Variants in TEX51 observed in about 807,000 individuals in gnomAD.
The protein encoded by TEX51 is testis-expressed protein 51.
In TEX51, 14 loss-of-function variants were observed where a neutral mutation model predicts 8.0. The observed-to-expected ratio is 1.76, with a 90% confidence interval of 1.16 to 2.75. The LOEUF is 2.75. TEX51 is among the 30% of genes most tolerant of loss of function. The pLI, the probability that TEX51 is intolerant of heterozygous loss-of-function variation, is 0.00. For missense variants in TEX51, 142 were observed against 77.4 expected (o/e 1.83, Z -3.13); for synonymous variants, 58 against 28.6 (o/e 2.03, Z -3.29).
chr2:126,901,040 A>G (rs1408303908), intron 4 of TEX51, among the ~76,000 whole-genome samples, 170 bp from the exon 5 acceptor site: 2 of 152,144 alleles, frequency 1.3e-5, no homozygotes, highest in Non-Finnish European at 2.9e-5. Context: ...ACCCCACACC[A>G]TGATTGTTTG....
rs1236157750 is a variant in TEX51 at position 126,902,000 on chromosome 2, C to G, written c.*131C>G. 1 of 576,740 alleles carries G rather than the reference C, an allele frequency of 1.7e-6. No homozygotes were observed. Among genetic ancestry groups the G allele is most frequent in the Non-Finnish European group, 3.1e-6 (1 of 323,660 alleles). The allele number at this position is 576,740 out of a possible 1,614,324, so 35.7% of individuals were successfully genotyped here. A position where few individuals can be genotyped will look rare whatever the true frequency, so the allele number is the denominator to read the frequency against. The stretch of plus-strand genomic sequence containing the variant: ...CCCTCCATCCTGGGTCCTGGGGCCC[C>G]AAAGCTCTGAGGCCTAGGAGACTGC... On this transcript the variant is annotated 3_prime_UTR_variant, in exon 7 of 7. Transcript: ENST00000568484.
At chr2:126,901,462 G>A (rs1224904985) in intron 6 of TEX51, 58 bp downstream of exon 6, 8 of 700,350 alleles carry the variant, frequency 1.1e-5, no homozygotes, top group Non-Finnish European at 2.1e-5. Context: ...AAAGCTGGGT[G>A]TGCCCTGGGA....
Position 126,899,234 on chromosome 2 carries a change from G to A in TEX51, c.163G>A (p.Glu55Lys), listed in dbSNP as rs938017. ...ELSQNRDHLE[E>K]ETAKFFTQVH... ...ATCCTCAGATCGTGACCATTTGGAA[G>A]AAGAAACAGCCAAATTCTTCACTCA... The change falls in exon 2 of 7, where the codon GAA becomes AAA. Residue 55 changes from glutamate to lysine, a missense_variant. Physicochemically the swap from Glu to Lys is moderately conservative, Grantham distance 56. Coordinates refer to ENST00000568484, the MANE Select transcript of TEX51 (RefSeq NM_001322244.2). The A allele has an allele frequency of 0.039, 27,189 of 702,188 alleles. 680 individuals carry two copies. Among genetic ancestry groups the A allele is most frequent in the South Asian group, 0.056 (3,810 of 67,572 alleles). The allele number at this position is 702,188 out of a possible 1,614,324, so 43.5% of individuals were successfully genotyped here.
intron 4 of TEX51, 76 bp downstream of exon 4, chr2:126,900,095 C>G: frequency 1.4e-6 from 1 of 693,674 alleles, no homozygotes; most frequent in Non-Finnish European, 2.6e-6. Flanking sequence ...CTCTGTCATT[C>G]TCTTTTGCCC....
chr2:126,899,226 A>C lies in TEX51; in HGVS notation c.155A>C (p.His52Pro), dbSNP rs1336566162. 2.8e-6 allele frequency: 2 copies of C among 702,206 alleles called. No homozygotes were observed. Among genetic ancestry groups the C allele is most frequent in the Non-Finnish European group, 2.6e-6 (1 of 384,814 alleles). 43.5% of individuals were successfully genotyped at this position (702,206 alleles called of 1,614,324 possible). The change falls in exon 2 of 7, where the codon CAT (histidine) becomes CCT (proline). Residue 52 changes from histidine (H) to proline (P), a missense_variant. Physicochemically the swap from His to Pro is moderately conservative, Grantham distance 77. Transcript: ENST00000568484. ...PPTELSQNRD[H>P]LEEETAKFFT... is the part of the protein sequence containing the mutation. ...TGTATCTCATCCTCAGATCGTGACCATTTGGAAGAAGAAACAGCCAAATTC... is the reference window on the plus strand; with the variant it reads ...TGTATCTCATCCTCAGATCGTGACCCTTTGGAAGAAGAAACAGCCAAATTC...
At chr2:126,900,806 C>T (rs1442047748) in intron 4 of TEX51, among the ~76,000 whole-genome samples, 1 of 152,196 alleles carries the variant, frequency 6.6e-6, no homozygotes, top group Non-Finnish European at 1.5e-5. Context: ...CCCCTACTCC[C>T]CAGGCACACT....
intron 3 of TEX51, 124 bp downstream of exon 3, chr2:126,899,736 T>G: frequency 1.4e-6 from 1 of 700,070 alleles, no homozygotes; most frequent in South Asian, 1.5e-5. Context: ...TCTCCATGAA[T>G]GCCTTCCCGG....
At position 126,902,074 on chromosome 2, in the gene TEX51, A is replaced by C. The variant is rs1680362230; in HGVS notation, c.*205A>C. On this transcript the variant is annotated 3_prime_UTR_variant, in exon 7 of 7. Coordinates refer to ENST00000568484, the MANE Select transcript of TEX51 (RefSeq NM_001322244.2). Reference sequence around the variant, plus strand: ...CTACACCTTTGTAAAGAGTCTCTTCATTAAAACCCCTCTTCATAGCCTAGT... The same window carrying C: ...CTACACCTTTGTAAAGAGTCTCTTCCTTAAAACCCCTCTTCATAGCCTAGT... The C allele has an allele frequency of 2.2e-6, 1 of 457,856 alleles. No individual in the cohort carries two copies. Among genetic ancestry groups the C allele is most frequent in the East Asian group, 3.5e-5 (1 of 28,192 alleles). 28.4% of individuals were successfully genotyped at this position (457,856 alleles called of 1,614,324 possible).
chr2:126,901,886 G>C lies in TEX51; in HGVS notation c.*17G>C. 1.6e-6 allele frequency: 1 copy of C among 644,138 alleles called. No homozygotes were observed. The highest frequency in any genetic ancestry group is 1.7e-5 in the South Asian group (1 of 58,080). The allele number at this position is 644,138 out of a possible 1,614,324, so 39.9% of individuals were successfully genotyped here. A position where few individuals can be genotyped will look rare whatever the true frequency, so the allele number is the denominator to read the frequency against. The stretch of plus-strand genomic sequence containing the variant: ...TCCCTCAGCAGGAACAGGGCAGCCC[G>C]CATGTCTTCCAGAAGTGAACAGAGG... On this transcript the variant is annotated 3_prime_UTR_variant, in exon 7 of 7. Coordinates refer to ENST00000568484, the MANE Select transcript of TEX51 (RefSeq NM_001322244.2).
chr2:126,900,449 C>T (rs1430616870), intron 4 of TEX51, among the ~76,000 whole-genome samples: 3 of 151,782 alleles, frequency 2.0e-5, no homozygotes, highest in Admixed American at 6.6e-5. Context: ...CCAATCCCAT[C>T]AAACCCCCAA....
intron 6 of TEX51, chr2:126,901,622 C>T (rs960376393): frequency 1.7e-6 from 1 of 599,552 alleles, no homozygotes; most frequent in Admixed American, 3.0e-5. Context: ...ACAGAAATGG[C>T]AAAGCTCCAG....
In TEX51 at chr2:126,901,421, C is replaced by A. The variant is rs1225159572; in HGVS notation, c.*2+17C>A. ...GCAGTAAAGGTACTGGGAAAGGAGA[C>A]CCCGACCCAATTCTAGGGCTCCCAG... On this transcript the variant is annotated intron_variant, in intron 6 of 6. Coordinates refer to ENST00000568484, the MANE Select transcript of TEX51 (RefSeq NM_001322244.2). 1.3e-5 allele frequency: 9 copies of A among 702,172 alleles called. No homozygotes were observed. Among genetic ancestry groups the A allele is most frequent in the Non-Finnish European group, 2.1e-5 (8 of 384,802 alleles). The allele number at this position is 702,172 out of a possible 1,614,324, so 43.5% of individuals were successfully genotyped here. A position where few individuals can be genotyped will look rare whatever the true frequency, so the allele number is the denominator to read the frequency against.
chr2:126,900,066 T>A (rs1448632551), intron 4 of TEX51, 47 bp downstream of exon 4: 5 of 699,408 alleles, frequency 7.1e-6, no homozygotes, highest in Non-Finnish European at 1.3e-5. Context: ...CTGCCCTGCA[T>A]TTCTGGAGCC....
Position 126,899,980 on chromosome 2 carries a change from A to G in TEX51, c.355A>G (p.Thr119Ala). 1.4e-6 allele frequency: 1 copy of G among 700,868 alleles called. No individual in the cohort carries two copies. The allele number at this position is 700,868 out of a possible 1,614,324, so 43.4% of individuals were successfully genotyped here. A position where few individuals can be genotyped will look rare whatever the true frequency, so the allele number is the denominator to read the frequency against. Residue 119 changes from threonine to alanine, a missense_variant, in exon 4 of 7, where the codon ACT becomes GCT. Transcript: ENST00000568484. ...LKVTSCADCR[T>A]HFLSCNDPTF... is the part of the protein sequence containing the mutation. ...GGTCACCAGCTGTGCTGACTGCAGG[A>G]CTCACTTCCTCTCCTGCAATGACCC...
intron 4 of TEX51, among the ~76,000 whole-genome samples, chr2:126,900,481 G>C (rs13401753): frequency 0.22 from 33,950 of 151,442 alleles, 5,440 homozygotes; most frequent in African/African-American, 0.45. Flanking sequence ...CTCCAGGGCC[G>C]TTCTCAACAA....
intron 6 of TEX51, 98 bp downstream of exon 6, chr2:126,901,502 C>A: frequency 1.5e-6 from 1 of 680,532 alleles, no homozygotes; most frequent in South Asian, 1.6e-5. Context: ...CAGTGCTGAC[C>A]TCCTGGGGTC....
intron 4 of TEX51, among the ~76,000 whole-genome samples, chr2:126,900,253 A>G (rs1002967682): frequency 6.6e-6 from 1 of 151,978 alleles, no homozygotes; most frequent in African/African-American, 2.4e-5. Flanking sequence ...GTTCTCAGAG[A>G]TGCCATGCCT....
chr2:126,902,097 A>G lies in TEX51; in HGVS notation c.*228A>G, dbSNP rs190762925. The G allele has an allele frequency of 6.8e-6, 3 of 441,668 alleles. No homozygotes were observed. The highest frequency in any genetic ancestry group is 1.2e-5 in the Non-Finnish European group (3 of 250,980). The allele number at this position is 441,668 out of a possible 1,614,324, so 27.4% of individuals were successfully genotyped here. Reference sequence around the variant, plus strand: ...TCATTAAAACCCCTCTTCATAGCCTAGTTGACTGTGCTATCTGTCTCCTGC... The same window carrying G: ...TCATTAAAACCCCTCTTCATAGCCTGGTTGACTGTGCTATCTGTCTCCTGC... On this transcript the variant is annotated 3_prime_UTR_variant, in exon 7 of 7. Coordinates refer to ENST00000568484, the MANE Select transcript of TEX51 (RefSeq NM_001322244.2).
chr2:126,900,140 G>C (rs1274011783), intron 4 of TEX51, 121 bp downstream of exon 4: 3 of 662,786 alleles, frequency 4.5e-6, no homozygotes, highest in Non-Finnish European at 5.5e-6. Flanking sequence ...TCCTCACCCT[G>C]GGTGAAGGCA....
Sources: gnomAD v4.1 joint callset for allele counts (sites outside exome capture counted in the v4.1 genomes callset) on GRCh38, gnomAD v4.1.1 for gene constraint, MANE v1.5 for transcripts, NCBI Gene and HGNC (gene_info 2026-07-23, HGNC 2026-07-21) for gene names.